CFAP54: variants seen among roughly 807,000 people sequenced by gnomAD.
The protein encoded by CFAP54 is cilia- and flagella-associated protein 54.
A neutral mutation model predicts 370.4 loss-of-function variants in CFAP54; 290 were observed. The observed-to-expected ratio is 0.78, with a 90% CI of 0.71 to 0.86. The LOEUF (loss-of-function observed/expected upper bound fraction) is 0.86, where lower values mean the gene tolerates loss of function less well. Among genes scored for constraint, CFAP54 ranks in the 40% least tolerant of loss-of-function variants. The pLI, the probability that CFAP54 is intolerant of heterozygous loss-of-function variation, is 0.00. For synonymous variants in CFAP54, 1,206 were observed against 1,236.5 expected, an observed-to-expected ratio of 0.98 and a Z score of 0.52; for missense variants, 3,399 against 3,528.7, an observed-to-expected ratio of 0.96 and a Z score of 0.93.
At chr12:96,526,808 A>AG (rs1955386663) in intron 8 of CFAP54, among the ~76,000 whole-genome samples, 1 of 151,678 alleles carries the variant, frequency 6.6e-6, no homozygotes, top group Non-Finnish European at 1.5e-5. Flanking sequence ...CCATAAAAGC[A>AG]GGTATCTAAT....
intron 62 of CFAP54, among the ~76,000 whole-genome samples, chr12:96,788,225 C>G (rs1958648231): frequency 6.6e-6 from 1 of 152,126 alleles, no homozygotes; most frequent in African/African-American, 2.4e-5. Context: ...CCTCTTGTAC[C>G]ATTTGGAACT....
At chr12:96,586,029 G>A (rs564574030) in intron 22 of CFAP54, among the ~76,000 whole-genome samples, 11 of 152,162 alleles carry the variant, frequency 7.2e-5, no homozygotes, top group Non-Finnish European at 1.5e-4. Flanking sequence ...CTTCTCTGTG[G>A]GTAGAGGGAT....
chr12:96,649,178 C>T (rs1024890806), intron 34 of CFAP54, among the ~76,000 whole-genome samples: 6 of 152,196 alleles, frequency 3.9e-5, no homozygotes, highest in African/African-American at 1.4e-4. Flanking sequence ...ACTTGGCATG[C>T]TTTCTGACTT....
chr12:96,730,040 A>G (rs1039675828), intron 50 of CFAP54, among the ~76,000 whole-genome samples: 1 of 152,112 alleles, frequency 6.6e-6, no homozygotes, highest in East Asian at 1.9e-4. Context: ...CTTTTTCTCT[A>G]ATACAGAATA....
chr12:96,577,214 C>G (rs1040685822), intron 20 of CFAP54, among the ~76,000 whole-genome samples: 1 of 152,182 alleles, frequency 6.6e-6, no homozygotes, highest in African/African-American at 2.4e-5. Context: ...CAAAGTCCTT[C>G]CAAGTAACTG....
intron 65 of CFAP54, among the ~76,000 whole-genome samples, chr12:96,819,063 T>A (rs1187048878): frequency 1.3e-5 from 2 of 152,258 alleles, no homozygotes; most frequent in East Asian, 3.8e-4. Flanking sequence ...CTGCCCAACC[T>A]CTGCTCACTC....
At chr12:96,650,267 GT>G (rs1311129904) in intron 35 of CFAP54, among the ~76,000 whole-genome samples, 195 bp downstream of exon 35, 9 of 152,144 alleles carry the variant, frequency 5.9e-5, no homozygotes, top group African/African-American at 2.2e-4. Context: ...GTGTTGTCCA[GT>G]TGTCAGGCAG....
chr12:96,825,699 T>A lies in CFAP54; in HGVS notation c.9097-3315T>A, dbSNP rs879867271. ...TATATATAACATATCACGATATATA[T>A]TATATATTAATTAGATTATATAATA... is the stretch of plus-strand genomic sequence containing the variant. On this transcript the variant is annotated intron_variant, in intron 65 of 67. Transcript: ENST00000524981. Among the ~76,000 whole-genome samples the A allele has an allele frequency of 7.2e-3, 900 of 124,194 alleles. 27 individuals carry two copies. In the East Asian group the frequency reaches 0.098, roughly 14 times the overall value. The allele number at this position is 124,194 out of a possible 152,430, so 81.5% of individuals were successfully genotyped here.
At chr12:96,871,694 G>C (rs1960172823) in intron 67 of CFAP54, among the ~76,000 whole-genome samples, 1 of 151,910 alleles carries the variant, frequency 6.6e-6, no homozygotes, top group Admixed American at 6.6e-5. Flanking sequence ...GGGGATATCA[G>C]GATACATATG....
chr12:96,615,877 G>T (rs1302150563), intron 26 of CFAP54, among the ~76,000 whole-genome samples: 1 of 152,198 alleles, frequency 6.6e-6, no homozygotes, highest in Non-Finnish European at 1.5e-5. Context: ...GTGCTGGAGA[G>T]GATGTGGAGA....
chr12:96,674,125 A>G (rs1957177055), intron 39 of CFAP54, among the ~76,000 whole-genome samples: 1 of 152,172 alleles, frequency 6.6e-6, no homozygotes, highest in Non-Finnish European at 1.5e-5. Context: ...AGAGTTATTC[A>G]GTCCTCAGGT....
chr12:96,739,038 T>C (rs1958017749), intron 50 of CFAP54, among the ~76,000 whole-genome samples: 1 of 152,156 alleles, frequency 6.6e-6, no homozygotes, highest in South Asian at 2.1e-4. Context: ...GTACAGGGGG[T>C]TAAGACCTCA....
chr12:96,649,827 A>G (rs1956837772), intron 34 of CFAP54, 64 bp from the exon 35 acceptor site: 2 of 1,059,296 alleles, frequency 1.9e-6, no homozygotes, highest in Non-Finnish European at 2.7e-6. Context: ...CTTATCACCT[A>G]CTGTGTTTTC....
At chr12:96,712,121 T>C (rs953000069) in intron 48 of CFAP54, among the ~76,000 whole-genome samples, 1 of 152,030 alleles carries the variant, frequency 6.6e-6, no homozygotes, top group Admixed American at 6.6e-5. Context: ...TAGTTTGATA[T>C]TTATACATTA....
intron 32 of CFAP54, among the ~76,000 whole-genome samples, chr12:96,634,533 C>T (rs1361747002): frequency 6.6e-6 from 1 of 152,030 alleles, no homozygotes; most frequent in Non-Finnish European, 1.5e-5. Context: ...TACTTTTTCC[C>T]AGTATGTGGC....
chr12:96,714,325 A>G (rs1326518090), intron 48 of CFAP54, among the ~76,000 whole-genome samples: 2 of 152,212 alleles, frequency 1.3e-5, no homozygotes, highest in Admixed American at 1.3e-4. Context: ...CCTGAGAGGA[A>G]CTAACGAGTA....
intron 32 of CFAP54, among the ~76,000 whole-genome samples, chr12:96,638,205 A>G (rs143966321): frequency 4.7e-4 from 58 of 122,654 alleles, no homozygotes; most frequent in East Asian, 1.7e-3. Context: ...ATATATATGC[A>G]TGTGTGTGTG....
rs550549170 is a variant in CFAP54 at position 96,705,421 on chromosome 12, G to GT, written c.6528+635dup. On this transcript the variant is annotated intron_variant, in intron 47 of 67. Transcript: ENST00000524981. ...TTAATTATCCTTCAGATGATTCATT[G>GT]TTTTTTTTTTCCTAAAAATTTGTTT... Among the ~76,000 whole-genome samples, 832 of 145,784 alleles carry GT rather than the reference G, an allele frequency of 5.7e-3. 6 individuals are homozygous for GT. The highest frequency in any genetic ancestry group is 0.019 in the African/African-American group (759 of 39,966).
intron 55 of CFAP54, among the ~76,000 whole-genome samples, chr12:96,749,134 A>G (rs945552779): frequency 6.6e-6 from 1 of 152,206 alleles, no homozygotes; most frequent in African/African-American, 2.4e-5. Flanking sequence ...CCTATTGTTC[A>G]CAGCTCTGGA....
Sources: allele counts gnomAD v4.1 joint callset (sites outside exome capture counted in the v4.1 genomes callset), GRCh38; gene constraint gnomAD v4.1.1; transcripts MANE v1.5; gene names NCBI Gene and HGNC (gene_info 2026-07-23, HGNC 2026-07-21).